Variants in ADGRV1 observed in about 807,000 individuals in gnomAD.
ADGRV1 encodes G-protein coupled receptor 98.
A neutral mutation model predicts 596.2 loss-of-function variants in ADGRV1; 359 were observed. The observed-to-expected ratio is 0.60, with a 90% CI of 0.55 to 0.66. The LOEUF (loss-of-function observed/expected upper bound fraction) is 0.66. Among genes scored for constraint, ADGRV1 ranks in the 30% least tolerant of loss-of-function variants. The pLI is 0.00. For synonymous variants in ADGRV1, 2,681 were observed against 2,679.2 expected, an observed-to-expected ratio of 1.00 and a Z score of -0.02; for missense variants, 7,274 against 7,575.6, an observed-to-expected ratio of 0.96 and a Z score of 1.48.
chr5:90,644,088 C>A, intron 14 of ADGRV1, 105 bp downstream of exon 14: 2 of 823,604 alleles, frequency 2.4e-6, no homozygotes, highest in Non-Finnish European at 3.6e-6. Flanking sequence ...GCTCACCCTG[C>A]CTTAGAAATT....
rs761238357 is a variant in ADGRV1 at position 90,757,010 on chromosome 5, T to C, written c.11789T>C (p.Val3930Ala). The C allele has an allele frequency of 1.9e-6, 3 of 1,612,426 alleles. No homozygotes were observed. Residue 3930 changes from valine (V) to alanine (A), a missense_variant, in exon 57 of 90, where the codon GTG (valine) becomes GCG (alanine). Transcript: ENST00000405460. ...GGGGAAGTTATTACTGCCTATGAGG[T>C]GCCTCCACCCTTGAACGTTCTTCAA... ...GAGEVITAYE[V>A]PPPLNVLQVP...
At chr5:91,019,722 T>C (rs1783474780) in intron 85 of ADGRV1, among the ~76,000 whole-genome samples, 1 of 152,014 alleles carries the variant, frequency 6.6e-6, no homozygotes, top group Non-Finnish European at 1.5e-5. Context: ...TCAAACAAAC[T>C]GGTTGTTAGT....
intron 86 of ADGRV1, among the ~76,000 whole-genome samples, chr5:91,097,618 ACT>A (rs1790987869): frequency 1.3e-5 from 2 of 152,182 alleles, no homozygotes; most frequent in South Asian, 2.1e-4. Context: ...TCGTATGGTA[ACT>A]CTGTGTTTAA....
In ADGRV1 at chr5:90,989,212, T is replaced by TGC. The variant is rs1562052461; in HGVS notation, c.18152+3690_18152+3691insGC. Among the ~76,000 whole-genome samples the TGC allele has an allele frequency of 1.1e-3, 174 of 152,032 alleles. 1 individual carries two copies. The East Asian group carries it at 0.03, about 26-fold the overall frequency. On this transcript the variant is annotated intron_variant, in intron 85 of 89. Transcript: ENST00000405460. Reference sequence around the variant, plus strand: ...CTAGTTCTAGATCCCTGAGGAATCATCACACTGACTTCCACAATGGTTGAA... The same window carrying TGC: ...CTAGTTCTAGATCCCTGAGGAATCATGCCACACTGACTTCCACAATGGTTGAA...
intron 85 of ADGRV1, 24 bp downstream of exon 85, chr5:90,985,546 T>C: frequency 6.3e-7 from 1 of 1,592,722 alleles, no homozygotes; most frequent in South Asian, 1.1e-5. Context: ...GGCAACACAT[T>C]GCCCTAGCTT....
chr5:90,778,843 T>C (rs186810605), intron 63 of ADGRV1, 22 bp from the exon 64 acceptor site: 7 of 1,578,174 alleles, frequency 4.4e-6, no homozygotes, highest in Admixed American at 1.7e-5. Flanking sequence ...CCAAATCAAA[T>C]AAGAAAATGC....
intron 83 of ADGRV1, among the ~76,000 whole-genome samples, chr5:90,927,574 C>T (rs3105795): frequency 0.71 from 108,568 of 152,016 alleles, 39,177 homozygotes; most frequent in East Asian, 1. Flanking sequence ...CTGATGGGTC[C>T]TGACTCTATC....
chr5:90,838,308 G>T (rs1765139438), intron 77 of ADGRV1, among the ~76,000 whole-genome samples: 1 of 150,306 alleles, frequency 6.7e-6, no homozygotes. Flanking sequence ...GCTCTTCTTT[G>T]GGCTTTTGTA....
chr5:90,587,544 C>CT (rs893025390), intron 1 of ADGRV1, among the ~76,000 whole-genome samples: 5 of 143,810 alleles, frequency 3.5e-5, no homozygotes, highest in African/African-American at 1.3e-4. Flanking sequence ...TGTCATTTCT[C>CT]TTTTCTGTGT....
At chr5:91,121,734 C>T (rs1191369411) in intron 87 of ADGRV1, among the ~76,000 whole-genome samples, 2 of 151,768 alleles carry the variant, frequency 1.3e-5, no homozygotes, top group African/African-American at 2.4e-5. Context: ...ATGACATCAG[C>T]CAAATATGAG....
rs377749629 is a variant in ADGRV1, at chr5:90,887,815, A to G, written c.17856+23958A>G. ...ATGCTGTTATGCAGATTATATGTCAATCTTTGATAACATTTACTAGCCAAT... is the reference window on the plus strand; with the variant it reads ...ATGCTGTTATGCAGATTATATGTCAGTCTTTGATAACATTTACTAGCCAAT... On this transcript the variant is annotated intron_variant, in intron 83 of 89. Coordinates refer to ENST00000405460, the MANE Select transcript of ADGRV1 (RefSeq NM_032119.4). Among the ~76,000 whole-genome samples the G allele has an allele frequency of 2.6e-5, 4 of 152,150 alleles. No homozygotes were observed. In the South Asian group the frequency reaches 8.3e-4, roughly 32 times the overall value.
At chr5:90,723,125 G>A (rs1008468253) in intron 45 of ADGRV1, among the ~76,000 whole-genome samples, 4 of 152,052 alleles carry the variant, frequency 2.6e-5, no homozygotes, top group African/African-American at 9.7e-5. Context: ...CCATAGAAAG[G>A]GCTATTTGTA....
chr5:90,772,017 C>G (rs1021452748), intron 59 of ADGRV1, among the ~76,000 whole-genome samples: 9 of 152,130 alleles, frequency 5.9e-5, no homozygotes, highest in Admixed American at 2.6e-4. Flanking sequence ...CTTTTCCCCC[C>G]TCTTACTGGT....
chr5:90,807,618 C>T lies in ADGRV1; in HGVS notation c.14853C>T (p.Ser4951=). 6.2e-7 allele frequency: 1 copy of T among 1,612,264 alleles called. No individual in the cohort carries two copies. The stretch of plus-strand genomic sequence containing the variant: ...TTCTTTCAGGGAGCCTTTCATTTTC[C>T]CACGGTGAACAAAGGAAAGGAGTTT... ...MTPTLGSLSF[S]HGEQRKGVFL... is the part of the protein sequence containing the mutation. The change falls in exon 73 of 90, where the codon TCC becomes TCT. Residue 4951 remains serine (S), a synonymous_variant. Coordinates refer to ENST00000405460, the MANE Select transcript of ADGRV1 (RefSeq NM_032119.4).
intron 87 of ADGRV1, among the ~76,000 whole-genome samples, chr5:91,113,538 C>T (rs1007264331): frequency 2.6e-5 from 4 of 151,312 alleles, no homozygotes; most frequent in Non-Finnish European, 5.9e-5. Context: ...CCTTTACCTC[C>T]TCTAAGAGAG....
chr5:90,847,673 GC>G (rs1766038763), intron 78 of ADGRV1, among the ~76,000 whole-genome samples: 1 of 152,206 alleles, frequency 6.6e-6, no homozygotes. Context: ...CAGGGAGGCA[GC>G]TAAGGCCCGG....
At chr5:90,596,028 T>C (rs1760479794) in intron 1 of ADGRV1, among the ~76,000 whole-genome samples, 2 of 136,632 alleles carry the variant, frequency 1.5e-5, no homozygotes, top group South Asian at 4.9e-4. Flanking sequence ...TCCTCACTTC[T>C]CATACGGGGT....
chr5:91,099,543 G>T lies in ADGRV1; in HGVS notation c.18311-2676G>T, dbSNP rs76287767. Among the ~76,000 whole-genome samples the T allele has an allele frequency of 6.4e-3, 982 of 152,274 alleles. 18 individuals carry two copies. The highest frequency in any genetic ancestry group is 0.022 in the African/African-American group (934 of 41,546). On this transcript the variant is annotated intron_variant, in intron 86 of 89. Coordinates refer to ENST00000405460, the MANE Select transcript of ADGRV1 (RefSeq NM_032119.4). ...AGTTTGGGAGGCCACCTGAGCGAGG[G>T]AATGGGTAACAGCAATAGGAAGTTG...
rs1359114404 is a variant in ADGRV1 at position 90,711,064 on chromosome 5, G to A, written c.8903+5G>A. The A allele has an allele frequency of 6.2e-7, 1 of 1,605,388 alleles. No homozygotes were observed. The highest frequency in any genetic ancestry group is 2.2e-5 in the East Asian group (1 of 44,802). On this transcript the variant is annotated splice_donor_5th_base_variant and intron_variant, in intron 40 of 89. Coordinates refer to ENST00000405460, the MANE Select transcript of ADGRV1 (RefSeq NM_032119.4). ...AATTGAATGGCAACAAAGCAGGTAA[G>A]GCCAAGGCTGCATGAGAGCCCTCTT...
Sources: gnomAD v4.1 joint callset for allele counts (sites outside exome capture counted in the v4.1 genomes callset) on GRCh38, gnomAD v4.1.1 for gene constraint, MANE v1.5 for transcripts, NCBI Gene and HGNC (gene_info 2026-07-23, HGNC 2026-07-21) for gene names.